Variants in FHIT observed in about 807,000 individuals in gnomAD.
FHIT encodes fragile histidine triad diadenosine triphosphatase, also known as bis(5'-adenosyl)-triphosphatase.
FHIT carries 19 observed loss-of-function variants against 17.9 expected under a neutral mutation model. That is an observed-to-expected ratio of 1.06 (90% confidence interval 0.74 to 1.56). FHIT has a LOEUF of 1.56. Ranked by LOEUF, FHIT falls within the 40% of genes most tolerant of loss-of-function variation. The pLI is 0.00. For missense variants in FHIT, 248 were observed against 189.2 expected (o/e 1.31, Z -1.82); for synonymous variants, 81 against 69.7 (o/e 1.16, Z -0.81).
intron 8 of FHIT, among the ~76,000 whole-genome samples, chr3:59,911,255 A>G (rs187317461): frequency 8.5e-5 from 13 of 152,270 alleles, no homozygotes; most frequent in African/African-American, 3.1e-4. Flanking sequence ...AATTAATTAG[A>G]TCAGTTGTCC....
At chr3:59,969,327 A>T (rs549991707) in intron 7 of FHIT, among the ~76,000 whole-genome samples, 5 of 152,250 alleles carry the variant, frequency 3.3e-5, no homozygotes, top group Admixed American at 3.3e-4. Context: ...ATGTGGTTGC[A>T]GTCTGTAAGT....
intron 2 of FHIT, among the ~76,000 whole-genome samples, chr3:61,078,148 G>T (rs1453416737): frequency 2.0e-5 from 3 of 152,036 alleles, no homozygotes; most frequent in Non-Finnish European, 4.4e-5. Context: ...GCAACACTGG[G>T]TAATCTGATT....
rs184908579 is a variant in FHIT, at chr3:61,137,161, A to T, written c.-164+63456T>A. 6.5e-3 allele frequency among the ~76,000 whole-genome samples: 983 copies of T among 152,144 alleles called. 7 individuals are homozygous for T. The highest frequency in any genetic ancestry group is 0.015 in the Admixed American group (224 of 15,274). ...TAGCACTGCAGACTCTTTGTGGCAC[A>T]GTCCCCAAGAACTCCAGTTTTATAT... On this transcript the variant is annotated intron_variant, in intron 2 of 9. Transcript: ENST00000492590.
chr3:60,133,684 T>C (rs1178037838), intron 5 of FHIT, among the ~76,000 whole-genome samples: 2 of 151,526 alleles, frequency 1.3e-5, no homozygotes, highest in Non-Finnish European at 2.9e-5. Context: ...CACAACCCAT[T>C]CACATACTGG....
At chr3:59,775,768 C>T (rs528876141) in intron 8 of FHIT, among the ~76,000 whole-genome samples, 2 of 152,252 alleles carry the variant, frequency 1.3e-5, no homozygotes, top group African/African-American at 4.8e-5. Flanking sequence ...GAGAAAAAGA[C>T]TGATTAGCAT....
intron 3 of FHIT, among the ~76,000 whole-genome samples, chr3:60,835,548 T>C (rs541449390): frequency 2.0e-5 from 3 of 152,276 alleles, no homozygotes; most frequent in Admixed American, 6.5e-5. Flanking sequence ...AGAAATACAA[T>C]TGATAATTTA....
chr3:60,254,331 C>T (rs948877123), intron 5 of FHIT, among the ~76,000 whole-genome samples: 1 of 152,070 alleles, frequency 6.6e-6, no homozygotes, highest in Admixed American at 6.5e-5. Context: ...CCTAATAACT[C>T]CATATTTTAT....
chr3:59,929,095 T>A lies in FHIT; in HGVS notation c.280-6681A>T, dbSNP rs538241159. On this transcript the variant is annotated intron_variant, in intron 7 of 9. Transcript: ENST00000492590. ...TGTACAAGCTGGTGCAGATGTAAAA[T>A]GGTACGGCTGCTTTAGAAAAGTTTC... 2.0e-5 allele frequency among the ~76,000 whole-genome samples: 3 copies of A among 147,036 alleles called. No individual in the cohort carries two copies. In the Admixed American group the frequency reaches 2.1e-4, roughly 10 times the overall value.
At chr3:60,234,992 G>A (rs1224991467) in intron 5 of FHIT, among the ~76,000 whole-genome samples, 5 of 152,138 alleles carry the variant, frequency 3.3e-5, no homozygotes, top group South Asian at 4.2e-4. Context: ...CTGGGGCTAC[G>A]TAGGTGACCC....
At chr3:60,119,338 G>A (rs1481693587) in intron 5 of FHIT, among the ~76,000 whole-genome samples, 3 of 152,062 alleles carry the variant, frequency 2.0e-5, no homozygotes, top group Non-Finnish European at 4.4e-5. Context: ...CTCCCAAAGT[G>A]CTGGGATTAC....
chr3:60,872,553 C>A (rs1704457946), intron 3 of FHIT, among the ~76,000 whole-genome samples: 1 of 152,030 alleles, frequency 6.6e-6, no homozygotes, highest in African/African-American at 2.4e-5. Context: ...TATAAGCTGG[C>A]CAGTTTTGCT....
At chr3:60,738,217 C>T (rs1553713079) in intron 4 of FHIT, among the ~76,000 whole-genome samples, 1 of 152,176 alleles carries the variant, frequency 6.6e-6, no homozygotes, top group African/African-American at 2.4e-5. Context: ...CTACTGCAAA[C>T]ACAGAGCTGT....
chr3:61,251,036 C>A (rs940981067), intron 1 of FHIT, among the ~76,000 whole-genome samples: 2 of 152,186 alleles, frequency 1.3e-5, no homozygotes, highest in Non-Finnish European at 2.9e-5. Flanking sequence ...GACCCGCTGG[C>A]GTGGCCCCGT....
intron 4 of FHIT, among the ~76,000 whole-genome samples, chr3:60,607,018 G>A (rs13100376): frequency 0.086 from 13,057 of 152,074 alleles, 763 homozygotes; most frequent in Admixed American, 0.13. Flanking sequence ...TCATTCCATT[G>A]CTGGACCTCT....
chr3:60,101,302 A>G (rs1316413203), intron 5 of FHIT, among the ~76,000 whole-genome samples: 1 of 152,160 alleles, frequency 6.6e-6, no homozygotes, highest in African/African-American at 2.4e-5. Flanking sequence ...GGCCATGTCC[A>G]CCTCGGGCCA....
intron 3 of FHIT, among the ~76,000 whole-genome samples, chr3:60,855,280 T>C (rs1703334735): frequency 6.6e-6 from 1 of 152,132 alleles, no homozygotes; most frequent in Admixed American, 6.6e-5. Context: ...GTAGTAGGCA[T>C]GTGACCTAGA....
intron 8 of FHIT, among the ~76,000 whole-genome samples, chr3:59,919,411 A>C (rs1470572940): frequency 6.6e-6 from 1 of 152,190 alleles, no homozygotes; most frequent in Non-Finnish European, 1.5e-5. Flanking sequence ...GAATGTATTT[A>C]ATATCTTTCC....
chr3:59,904,317 A>T (rs1395853635), intron 8 of FHIT, among the ~76,000 whole-genome samples: 15 of 81,140 alleles, frequency 1.8e-4, no homozygotes, highest in Non-Finnish European at 3.5e-4. Flanking sequence ...GAAACTAATT[A>T]AAAAAAAAAA....
At chr3:61,064,832 C>T (rs1298946110) in intron 2 of FHIT, among the ~76,000 whole-genome samples, 1 of 152,142 alleles carries the variant, frequency 6.6e-6, no homozygotes, top group East Asian at 1.9e-4. Flanking sequence ...ATTCATGACC[C>T]TTGACTCCCC....
Sources: gnomAD v4.1 joint callset for allele counts (sites outside exome capture counted in the v4.1 genomes callset) on GRCh38, gnomAD v4.1.1 for gene constraint, MANE v1.5 for transcripts, NCBI Gene and HGNC (gene_info 2026-07-23, HGNC 2026-07-21) for gene names.